The following PDHX variants were observed in gnomAD, a reference collection of about 807,000 sequenced individuals.
PDHX encodes the protein pyruvate dehydrogenase protein X component, mitochondrial.
In PDHX, 33 loss-of-function variants were observed where a neutral mutation model predicts 55.3. The observed-to-expected ratio is 0.60, with a 90% CI of 0.45 to 0.80. The LOEUF (loss-of-function observed/expected upper bound fraction) is 0.80, where lower values mean the gene tolerates loss of function less well. PDHX is among the 30% of genes least tolerant of loss of function. PDHX has a pLI of 0.00. For synonymous variants in PDHX, 226 were observed against 219.4 expected (o/e 1.03, Z -0.27); for missense variants, 622 against 619.9 (o/e 1.00, Z -0.04).
intron 10 of PDHX, among the ~76,000 whole-genome samples, chr11:34,993,935 G>A (rs77620700): frequency 0.047 from 7,181 of 152,132 alleles, 535 homozygotes; most frequent in African/African-American, 0.16. Context: ...ATAATTTTCT[G>A]TGTAGAGGTC....
chr11:34,966,578 C>T, intron 5 of PDHX, 62 bp from the exon 6 acceptor site: 1 of 1,510,140 alleles, frequency 6.6e-7, no homozygotes, highest in Non-Finnish European at 9.2e-7. Flanking sequence ...CCTGCGTTTT[C>T]TGAAAGTTCT....
At position 34,947,489 on chromosome 11, in the gene PDHX, C is replaced by A; in HGVS notation, c.242-17C>A. ...TTATATTTTAAAAAACAAAACAAACCCAGTCTTGTTTTGTAGGTGAAGCGG... is the reference window on the plus strand; with the variant it reads ...TTATATTTTAAAAAACAAAACAAACACAGTCTTGTTTTGTAGGTGAAGCGG... On this transcript the variant is annotated splice_polypyrimidine_tract_variant and intron_variant, in intron 2 of 10. Transcript: ENST00000227868. 1 of 1,568,674 alleles carries A rather than the reference C, an allele frequency of 6.4e-7. No homozygotes were observed. Among genetic ancestry groups the A allele is most frequent in the Non-Finnish European group, 8.8e-7 (1 of 1,139,230 alleles).
intron 5 of PDHX, among the ~76,000 whole-genome samples, chr11:34,963,600 T>A (rs773219552): frequency 1.3e-5 from 2 of 152,186 alleles, no homozygotes; most frequent in African/African-American, 4.8e-5. Flanking sequence ...CTTGACACGG[T>A]GAGGACATGC....
chr11:34,928,474 T>G (rs1854078497), intron 1 of PDHX, among the ~76,000 whole-genome samples: 1 of 151,850 alleles, frequency 6.6e-6, no homozygotes, highest in African/African-American at 2.4e-5. Context: ...TCCTTTTTTT[T>G]TTTTTTCCCC....
intron 1 of PDHX, among the ~76,000 whole-genome samples, chr11:34,920,034 G>T (rs1398600005): frequency 6.6e-6 from 1 of 152,192 alleles, no homozygotes; most frequent in South Asian, 2.1e-4. Flanking sequence ...AAATGATCAG[G>T]AAATAATATA....
At chr11:34,987,207 T>C (rs1855664649) in intron 9 of PDHX, among the ~76,000 whole-genome samples, 1 of 152,124 alleles carries the variant, frequency 6.6e-6, no homozygotes, top group Non-Finnish European at 1.5e-5. Flanking sequence ...CCCCTTTGTC[T>C]TTTTCTCCCG....
chr11:34,986,307 C>CA (rs755119406), intron 9 of PDHX, among the ~76,000 whole-genome samples: 12,188 of 64,832 alleles, frequency 0.19, 677 homozygotes, highest in African/African-American at 0.21. Context: ...CACTGTATCT[C>CA]AAAAAAAAAA....
At chr11:34,965,162 A>G (rs189210666) in intron 5 of PDHX, among the ~76,000 whole-genome samples, 16 of 152,274 alleles carry the variant, frequency 1.1e-4, no homozygotes, top group African/African-American at 3.8e-4. Flanking sequence ...CTGAAATCAA[A>G]GTGTTGGCCA....
At chr11:34,974,706 G>T (rs901606749) in intron 7 of PDHX, among the ~76,000 whole-genome samples, 1 of 152,076 alleles carries the variant, frequency 6.6e-6, no homozygotes, top group Non-Finnish European at 1.5e-5. Flanking sequence ...ACAGGGGTTC[G>T]AGACCTGCCT....
At position 34,978,171 on chromosome 11, in the gene PDHX, GT is replaced by G; in HGVS notation, c.1014del (p.Thr339ProfsTer10). ...VNDFIIKAAA[V>X]TLKQMPDVNV... ...TGATTTTATCATCAAGGCAGCAGCT[GT>G]TACCCTTAAAGTAAGTAGCAGACTT... On this transcript the variant is annotated frameshift_variant, in exon 8 of 11. Coordinates refer to ENST00000227868, the MANE Select transcript of PDHX (RefSeq NM_003477.3). LOFTEE classifies it high-confidence loss of function. 6.4e-7 allele frequency: 1 copy of G among 1,569,374 alleles called. No homozygotes were observed. The highest frequency in any genetic ancestry group is 8.8e-7 in the Non-Finnish European group (1 of 1,139,368).
chr11:34,916,550 T>C, upstream of PDHX: 2 of 1,513,346 alleles, frequency 1.3e-6, no homozygotes, highest in South Asian at 2.5e-5. Flanking sequence ...CTGAGAGACC[T>C]AAAGGCACCG....
At chr11:34,938,641 C>T (rs1318997650) in intron 2 of PDHX, among the ~76,000 whole-genome samples, 1 of 152,144 alleles carries the variant, frequency 6.6e-6, no homozygotes, top group East Asian at 1.9e-4. Flanking sequence ...ACTTTCTTCA[C>T]ACTTTGAGAA....
intron 7 of PDHX, among the ~76,000 whole-genome samples, chr11:34,976,694 T>C (rs1343321636): frequency 6.6e-6 from 1 of 152,152 alleles, no homozygotes; most frequent in African/African-American, 2.4e-5. Flanking sequence ...TATAGTGACA[T>C]AGGAGCCAGT....
intron 7 of PDHX, among the ~76,000 whole-genome samples, chr11:34,977,253 G>A (rs966496558): frequency 1.3e-5 from 2 of 152,208 alleles, no homozygotes; most frequent in South Asian, 4.1e-4. Flanking sequence ...ACTAGATCTA[G>A]ATCTTAGAGT....
chr11:34,954,289 G>A (rs1482358357), intron 3 of PDHX, among the ~76,000 whole-genome samples: 1 of 152,200 alleles, frequency 6.6e-6, no homozygotes, highest in East Asian at 1.9e-4. Context: ...ATATTTACTT[G>A]TGCCTTTAAT....
upstream of PDHX, chr11:34,916,379 C>G (rs538595954): frequency 1.6e-4 from 243 of 1,557,958 alleles, 1 homozygote; most frequent in African/African-American, 3.0e-3. Flanking sequence ...CAAATGCAAT[C>G]AGGCGGCGCT....
intron 2 of PDHX, among the ~76,000 whole-genome samples, chr11:34,945,967 T>G (rs1854610322): frequency 6.6e-6 from 1 of 152,230 alleles, no homozygotes; most frequent in African/African-American, 2.4e-5. Context: ...CACTAATTCT[T>G]CAGGTATTGC....
At chr11:34,985,196 G>A (rs143546806) in intron 9 of PDHX, among the ~76,000 whole-genome samples, 7,200 of 152,214 alleles carry the variant, frequency 0.047, 543 homozygotes, top group African/African-American at 0.16. Flanking sequence ...TAATGCCAGC[G>A]CTTTGGGAGG....
At position 34,996,015 on chromosome 11, in the gene PDHX, A is replaced by G. The variant is rs1328545782; in HGVS notation, c.*843A>G. 1.3e-5 allele frequency: 2 copies of G among 152,178 alleles called. No individual in the cohort carries two copies. The highest frequency in any genetic ancestry group is 2.4e-5 in the African/African-American group (1 of 41,460). The allele number at this position is 152,178 out of a possible 1,614,324, so 9.4% of individuals were successfully genotyped here. A position where few individuals can be genotyped will look rare whatever the true frequency, so the allele number is the denominator to read the frequency against. On this transcript the variant is annotated 3_prime_UTR_variant, in exon 11 of 11. Transcript: ENST00000227868. ...TTTAAAAACAAAATGTTGTTTCTTA[A>G]TGCATTTAAATCAGTTTTGTATTGT...
Sources: gnomAD v4.1 joint callset for allele counts (sites outside exome capture counted in the v4.1 genomes callset) on GRCh38, gnomAD v4.1.1 for gene constraint, MANE v1.5 for transcripts, NCBI Gene and HGNC (gene_info 2026-07-23, HGNC 2026-07-21) for gene names.